Variants in PRKCB observed in about 807,000 individuals in gnomAD.
PRKCB encodes the protein protein kinase C beta type.
In PRKCB, 13 loss-of-function variants were observed where a neutral mutation model predicts 81.5. The ratio of observed to expected loss-of-function variants is 0.16; its 90% CI spans 0.10 to 0.25. PRKCB has a LOEUF of 0.25. PRKCB is among the 10% of genes least tolerant of loss of function. PRKCB has a pLI of 1.00. For synonymous variants in PRKCB, 335 were observed against 321.4 expected (o/e 1.04, Z -0.45); for missense variants, 509 against 875.7 (o/e 0.58, Z 5.29).
chr16:24,143,916 TTCTGATTCTGTTGCAGGGATG>T (rs1165442647), intron 9 of PRKCB, among the ~76,000 whole-genome samples: 1 of 152,196 alleles, frequency 6.6e-6, no homozygotes. Flanking sequence ...CCTCCTCCTT[TTCTGATTCTGTTGCAGGGATG>T]TTATTAAGAA....
At chr16:24,104,557 T>C (rs781452068) in intron 7 of PRKCB, among the ~76,000 whole-genome samples, 3 of 152,072 alleles carry the variant, frequency 2.0e-5, no homozygotes, top group Non-Finnish European at 4.4e-5. Flanking sequence ...AAACAAGAAA[T>C]GGGGACAAGG....
intron 5 of PRKCB, among the ~76,000 whole-genome samples, chr16:24,038,670 T>C (rs1256370854): frequency 1.3e-5 from 2 of 152,188 alleles, no homozygotes. Context: ...TCTCTAAAAA[T>C]AGAGCCAAGA....
intron 2 of PRKCB, among the ~76,000 whole-genome samples, chr16:23,889,619 A>G (rs1289944542): frequency 2.0e-5 from 3 of 152,258 alleles, no homozygotes; most frequent in Admixed American, 6.5e-5. Flanking sequence ...GTTGTGATCC[A>G]AAGTGATGTA....
chr16:23,998,511 G>A (rs1017345211), intron 3 of PRKCB, among the ~76,000 whole-genome samples: 10 of 152,138 alleles, frequency 6.6e-5, no homozygotes, highest in East Asian at 1.9e-4. Flanking sequence ...TTAAAATCAC[G>A]GATTATGGAG....
At chr16:23,942,330 C>T (rs566426533) in intron 2 of PRKCB, among the ~76,000 whole-genome samples, 1 of 152,322 alleles carries the variant, frequency 6.6e-6, no homozygotes, top group Admixed American at 6.5e-5. Context: ...CATGCCAGAT[C>T]CCCATGGCGT....
rs1201355842 is a variant in PRKCB at position 24,220,147 on chromosome 16, T to A, written c.*5331T>A. ...AAACTCCATCGTTGAGCCTGGGGTG[T>A]AAGACTTCAAGCCAAGCGTATGTAT... On this transcript the variant is annotated 3_prime_UTR_variant, in exon 17 of 17. Transcript: ENST00000643927. 1 of 1,612,046 alleles carries A rather than the reference T, an allele frequency of 6.2e-7. No individual in the cohort carries two copies. The highest frequency in any genetic ancestry group is 8.5e-7 in the Non-Finnish European group (1 of 1,178,742).
Position 24,219,771 on chromosome 16 carries a change from T to G in PRKCB, c.*4955T>G. ...TTTTCTTAGAAAATTTCCACCACAT[T>G]TCTATCCCCAAGCCAACATACAATG... On this transcript the variant is annotated 3_prime_UTR_variant, in exon 17 of 17. Transcript: ENST00000643927. The G allele has an allele frequency of 7.2e-7, 1 of 1,385,102 alleles. No homozygotes were observed. Among genetic ancestry groups the G allele is most frequent in the Non-Finnish European group, 9.3e-7 (1 of 1,070,800 alleles). 85.8% of individuals were successfully genotyped at this position (1,385,102 alleles called of 1,614,324 possible).
intron 5 of PRKCB, among the ~76,000 whole-genome samples, chr16:24,050,384 A>C (rs1478985171): frequency 2.0e-5 from 3 of 152,116 alleles, no homozygotes; most frequent in African/African-American, 7.2e-5. Context: ...TGTGTTGCCG[A>C]GGAGCGAAGG....
chr16:24,118,133 C>T (rs198199), intron 8 of PRKCB, among the ~76,000 whole-genome samples: 22,883 of 152,220 alleles, frequency 0.15, 2,172 homozygotes, highest in Non-Finnish European at 0.22. Context: ...TGCTTGAGAG[C>T]CAGACTGCCT....
chr16:23,985,123 G>T lies in PRKCB; in HGVS notation c.206-3385G>T, dbSNP rs139200565. ...GTTTTGTGTTTTGAGATGGAGTCTC[G>T]CTCTGTTGCCCAGGCTGGAGTGCAG... On this transcript the variant is annotated intron_variant, in intron 2 of 16. Coordinates refer to ENST00000643927, the MANE Select transcript of PRKCB (RefSeq NM_002738.7). Among the ~76,000 whole-genome samples, 890 of 151,920 alleles carry T rather than the reference G, an allele frequency of 5.9e-3. 3 individuals carry two copies. Among genetic ancestry groups the T allele is most frequent in the African/African-American group, 0.01 (424 of 41,416 alleles).
At chr16:23,971,408 T>C (rs927398120) in intron 2 of PRKCB, among the ~76,000 whole-genome samples, 10 of 152,192 alleles carry the variant, frequency 6.6e-5, no homozygotes. Flanking sequence ...TTCCTCTCCA[T>C]TTGGTCCCTC....
At chr16:24,175,307 C>A (rs1967510952) in intron 12 of PRKCB, among the ~76,000 whole-genome samples, 1 of 151,814 alleles carries the variant, frequency 6.6e-6, no homozygotes, top group Non-Finnish European at 1.5e-5. Context: ...GGGTCTATTT[C>A]AAAGATTATG....
chr16:23,994,555 A>G (rs1964931191), intron 3 of PRKCB, among the ~76,000 whole-genome samples: 1 of 152,252 alleles, frequency 6.6e-6, no homozygotes, highest in Non-Finnish European at 1.5e-5. Context: ...ATGCAGAGGT[A>G]GTGATTCCCA....
intron 9 of PRKCB, among the ~76,000 whole-genome samples, chr16:24,137,620 C>T (rs986097908): frequency 1.3e-5 from 2 of 152,210 alleles, no homozygotes; most frequent in African/African-American, 2.4e-5. Flanking sequence ...TTCATGGCTA[C>T]TGGTCCAATT....
rs1010173783 is a variant in PRKCB, at chr16:24,217,166, G to T, written c.*2350G>T. 1.0e-6 allele frequency: 1 copy of T among 971,270 alleles called. No individual in the cohort carries two copies. Among genetic ancestry groups the T allele is most frequent in the Non-Finnish European group, 1.2e-6 (1 of 818,726 alleles). The allele number at this position is 971,270 out of a possible 1,614,324, so 60.2% of individuals were successfully genotyped here. A position where few individuals can be genotyped will look rare whatever the true frequency, so the allele number is the denominator to read the frequency against. On this transcript the variant is annotated 3_prime_UTR_variant, in exon 17 of 17. Coordinates refer to ENST00000643927, the MANE Select transcript of PRKCB (RefSeq NM_002738.7). ...GAAGGAAGGAAAGAAGGAAGGAAAAGAAGGAAGGAAGGAAGGAATATAGTG... is the reference window on the plus strand; with the variant it reads ...GAAGGAAGGAAAGAAGGAAGGAAAATAAGGAAGGAAGGAAGGAATATAGTG...
At chr16:24,084,740 ATC>A in intron 5 of PRKCB, among the ~76,000 whole-genome samples, 1 of 152,334 alleles carries the variant, frequency 6.6e-6, no homozygotes, top group African/African-American at 2.4e-5. Context: ...AATACCAAAG[ATC>A]AATGGATGAG....
chr16:23,893,671 A>T (rs998845382), intron 2 of PRKCB: 10 of 152,246 alleles, frequency 6.6e-5, no homozygotes, highest in African/African-American at 2.4e-4. Context: ...GAGTACTCTC[A>T]CACCATAATA....
At chr16:23,904,178 A>G (rs1304572810) in intron 2 of PRKCB, among the ~76,000 whole-genome samples, 2 of 152,082 alleles carry the variant, frequency 1.3e-5, no homozygotes, top group Non-Finnish European at 2.9e-5. Flanking sequence ...CCTGGCCTGC[A>G]GCTAAGGGGG....
chr16:24,102,974 G>A (rs1966527305), intron 7 of PRKCB, among the ~76,000 whole-genome samples: 2 of 152,126 alleles, frequency 1.3e-5, no homozygotes, highest in Non-Finnish European at 2.9e-5. Flanking sequence ...GCAGGTTCAA[G>A]CGACTCTCCT....
Sources: allele counts gnomAD v4.1 joint callset (sites outside exome capture counted in the v4.1 genomes callset), GRCh38; gene constraint gnomAD v4.1.1; transcripts MANE v1.5; gene names NCBI Gene and HGNC (gene_info 2026-07-23, HGNC 2026-07-21).